The following ANKIB1 variants were observed in gnomAD, a reference collection of about 807,000 sequenced individuals.
The protein encoded by ANKIB1 is ankyrin repeat and IBR domain containing 1.
Under a neutral mutation model 122.1 loss-of-function variants are expected in ANKIB1, and 43 were observed. The observed-to-expected ratio is 0.35, with a 90% CI of 0.28 to 0.45. ANKIB1 has a LOEUF of 0.45. ANKIB1 is among the 20% of genes least tolerant of loss of function. ANKIB1 has a pLI of 1.00. For synonymous variants in ANKIB1, 390 were observed against 442.0 expected (o/e 0.88, Z 1.48); for missense variants, 992 against 1,329.5 (o/e 0.75, Z 3.95).
chr7:92,308,600 TC>T (rs1185073385), intron 3 of ANKIB1, among the ~76,000 whole-genome samples: 1 of 152,130 alleles, frequency 6.6e-6, no homozygotes, highest in African/African-American at 2.4e-5. Flanking sequence ...CTGTAATTTT[TC>T]CATATATATT....
At chr7:92,346,380 C>T (rs1803540208) in intron 7 of ANKIB1, among the ~76,000 whole-genome samples, 1 of 152,200 alleles carries the variant, frequency 6.6e-6, no homozygotes, top group Non-Finnish European at 1.5e-5. Flanking sequence ...ATCCACCCAC[C>T]TCAGTCCCCC....
chr7:92,384,886 G>T (rs187864627), intron 11 of ANKIB1, among the ~76,000 whole-genome samples: 1 of 152,144 alleles, frequency 6.6e-6, no homozygotes, highest in Non-Finnish European at 1.5e-5. Flanking sequence ...ATAGAAACAT[G>T]GGATCTGATT....
intron 1 of ANKIB1, among the ~76,000 whole-genome samples, chr7:92,270,087 G>A (rs1337488391): frequency 6.6e-6 from 1 of 151,736 alleles, no homozygotes; most frequent in East Asian, 1.9e-4. Flanking sequence ...TTGGAGATAG[G>A]GTCTCACTGT....
chr7:92,397,648 A>G, intron 18 of ANKIB1, 75 bp from the exon 19 acceptor site: 1 of 1,560,970 alleles, frequency 6.4e-7, no homozygotes, highest in Non-Finnish European at 8.7e-7. Flanking sequence ...CCATCTAAAC[A>G]ACCAGATGTA....
In ANKIB1 at chr7:92,246,331, C is replaced by T. The variant is rs894999003; in HGVS notation, c.-279C>T. 2.4e-5 allele frequency: 10 copies of T among 422,142 alleles called. No individual in the cohort carries two copies. Among genetic ancestry groups the T allele is most frequent in the East Asian group, 8.4e-5 (1 of 11,950 alleles). The allele number at this position is 422,142 out of a possible 1,614,324, so 26.1% of individuals were successfully genotyped here. The stretch of plus-strand genomic sequence containing the variant: ...GCGCTTCCCGCGGGCCGCCAGTGCG[C>T]ACCCTCGGCCACATCAGCCTCCGCC... On this transcript the variant is annotated 5_prime_UTR_variant, in exon 1 of 20. Coordinates refer to ENST00000265742, the MANE Select transcript of ANKIB1 (RefSeq NM_019004.2).
chr7:92,385,385 A>G (rs1463292282), intron 11 of ANKIB1, among the ~76,000 whole-genome samples: 1 of 152,232 alleles, frequency 6.6e-6, no homozygotes, highest in African/African-American at 2.4e-5. Flanking sequence ...TACTGGGTAT[A>G]TACCCAAAGG....
chr7:92,275,237 A>G (rs1801877130), intron 1 of ANKIB1, among the ~76,000 whole-genome samples: 2 of 151,978 alleles, frequency 1.3e-5, no homozygotes, highest in Admixed American at 1.3e-4. Context: ...ATTCTCACTT[A>G]ATGGGATTTC....
At chr7:92,324,019 G>T (rs989951969) in intron 4 of ANKIB1, among the ~76,000 whole-genome samples, 2 of 152,236 alleles carry the variant, frequency 1.3e-5, no homozygotes, top group African/African-American at 4.8e-5. Flanking sequence ...GGCAAGAACA[G>T]CTGAATAAGG....
At position 92,370,508 on chromosome 7, in the gene ANKIB1, C is replaced by CAAAAA. The variant is rs34318038; in HGVS notation, c.1487-941_1487-937dup. Among the ~76,000 whole-genome samples, 95 of 32,984 alleles carry CAAAAA rather than the reference C, an allele frequency of 2.9e-3. 13 individuals carry two copies. Among genetic ancestry groups the CAAAAA allele is most frequent in the Non-Finnish European group, 5.7e-3 (76 of 13,306 alleles). 21.6% of individuals were successfully genotyped at this position (32,984 alleles called of 152,430 possible). A position where few individuals can be genotyped will look rare whatever the true frequency, so the allele number is the denominator to read the frequency against. On this transcript the variant is annotated intron_variant, in intron 10 of 19. Transcript: ENST00000265742. Reference sequence around the variant, plus strand: ...GGGTGACAGAGCAAGACTCTTGTCTCAAAAAAAAAAAAAAAAAAAAAAAAA... The same window carrying CAAAAA: ...GGGTGACAGAGCAAGACTCTTGTCTCAAAAAAAAAAAAAAAAAAAAAAAAAAAAAA...
At chr7:92,363,625 C>G (rs1304278120) in intron 10 of ANKIB1, among the ~76,000 whole-genome samples, 1 of 152,214 alleles carries the variant, frequency 6.6e-6, no homozygotes, top group Non-Finnish European at 1.5e-5. Flanking sequence ...AGGCAGTGAG[C>G]TATGAACTGG....
rs778549860 is a variant in ANKIB1, at chr7:92,248,888, C to CTTT, written c.-91+2384_-91+2386dup. 1.0e-3 allele frequency among the ~76,000 whole-genome samples: 129 copies of CTTT among 123,020 alleles called. 2 individuals carry two copies. Among genetic ancestry groups the CTTT allele is most frequent in the East Asian group, 4.0e-3 (17 of 4,274 alleles). The allele number at this position is 123,020 out of a possible 152,430, so 80.7% of individuals were successfully genotyped here. A position where few individuals can be genotyped will look rare whatever the true frequency, so the allele number is the denominator to read the frequency against. ...ACTTTTTTTCTTTTTTCTTTTCTTT[C>CTTT]TTTTTTTTTTTTTTTTTGAGATGGA... On this transcript the variant is annotated intron_variant, in intron 1 of 19. Coordinates refer to ENST00000265742, the MANE Select transcript of ANKIB1 (RefSeq NM_019004.2).
intron 17 of ANKIB1, among the ~76,000 whole-genome samples, chr7:92,394,034 A>G (rs536309114): frequency 6.6e-6 from 1 of 152,118 alleles, no homozygotes; most frequent in South Asian, 2.1e-4. Flanking sequence ...GTTTTATGCT[A>G]CTTTAAAGGC....
At position 92,312,147 on chromosome 7, in the gene ANKIB1, C is replaced by T. The variant is rs548930526; in HGVS notation, c.486+4491C>T. 5.3e-5 allele frequency among the ~76,000 whole-genome samples: 8 copies of T among 152,224 alleles called. No individual in the cohort carries two copies. In the South Asian group the frequency reaches 1.7e-3, roughly 32 times the overall value. Reference sequence around the variant, plus strand: ...CCTCTGTCTCTTTGGACCAGTTCCTCCATTTATTTCTGTGGCCACTTTCTA... The same window carrying T: ...CCTCTGTCTCTTTGGACCAGTTCCTTCATTTATTTCTGTGGCCACTTTCTA... On this transcript the variant is annotated intron_variant, in intron 3 of 19. Coordinates refer to ENST00000265742, the MANE Select transcript of ANKIB1 (RefSeq NM_019004.2).
chr7:92,247,034 C>T (rs1402942157), intron 1 of ANKIB1, among the ~76,000 whole-genome samples: 4 of 152,170 alleles, frequency 2.6e-5, no homozygotes, highest in Admixed American at 2.6e-4. Context: ...TTATTCTTCT[C>T]CGTATGTATG....
chr7:92,266,786 G>A (rs576931087), intron 1 of ANKIB1, among the ~76,000 whole-genome samples: 1 of 152,294 alleles, frequency 6.6e-6, no homozygotes, highest in South Asian at 2.1e-4. Context: ...TTCACTATTA[G>A]CATCCACACA....
intron 2 of ANKIB1, among the ~76,000 whole-genome samples, chr7:92,298,768 T>TAAAAAAAA (rs34091044): frequency 8.5e-6 from 1 of 117,626 alleles, no homozygotes; most frequent in African/African-American, 3.2e-5. Context: ...CACTTGCAGT[T>TAAAAAAAA]AAAAAAAAAA....
At chr7:92,258,132 G>A (rs147731341) in intron 1 of ANKIB1, among the ~76,000 whole-genome samples, 36 of 152,296 alleles carry the variant, frequency 2.4e-4, no homozygotes, top group African/African-American at 7.7e-4. Context: ...GAGAATAAAG[G>A]TTGGGCTGAT....
intron 1 of ANKIB1, among the ~76,000 whole-genome samples, chr7:92,285,259 C>CAGAT (rs1303321073): frequency 6.6e-6 from 1 of 152,158 alleles, no homozygotes; most frequent in African/African-American, 2.4e-5. Flanking sequence ...AAGTGATCTA[C>CAGAT]CCACCTTGGC....
intron 11 of ANKIB1, among the ~76,000 whole-genome samples, chr7:92,374,669 T>G (rs1804343707): frequency 6.6e-6 from 1 of 152,002 alleles, no homozygotes; most frequent in Non-Finnish European, 1.5e-5. Flanking sequence ...CATCACCTTA[T>G]TTAAACTAAT....
Sources: allele counts gnomAD v4.1 joint callset (sites outside exome capture counted in the v4.1 genomes callset), GRCh38; gene constraint gnomAD v4.1.1; transcripts MANE v1.5; gene names NCBI Gene and HGNC (gene_info 2026-07-23, HGNC 2026-07-21).